Variants in OTOGL observed in about 807,000 individuals in gnomAD.
OTOGL encodes the protein otogelin-like protein.
OTOGL carries 285 observed loss-of-function variants against 318.5 expected under a neutral mutation model. That is an observed-to-expected ratio of 0.89 (90% CI 0.81 to 0.99). The LOEUF is 0.99. Among genes scored for constraint, OTOGL ranks in the 50% least tolerant of loss-of-function variants. The pLI, the probability that OTOGL is intolerant of heterozygous loss-of-function variation, is 0.00. For missense variants in OTOGL, 2,899 were observed against 2,845.6 expected, an observed-to-expected ratio of 1.02 and a Z score of -0.43; for synonymous variants, 987 against 936.5, an observed-to-expected ratio of 1.05 and a Z score of -0.99.
At chr12:80,180,127 G>A (rs1874819145) in intron 1 of OTOGL, among the ~76,000 whole-genome samples, 1 of 151,524 alleles carries the variant, frequency 6.6e-6, no homozygotes, top group Non-Finnish European at 1.5e-5. Context: ...ATATTCCAAG[G>A]CATAATGGCC....
At chr12:80,149,267 C>G (rs1266203419) in intron 1 of OTOGL, among the ~76,000 whole-genome samples, 1 of 151,940 alleles carries the variant, frequency 6.6e-6, no homozygotes, top group Non-Finnish European at 1.5e-5. Context: ...AGTTTTCCTT[C>G]TAACAGACAG....
chr12:80,367,640 CTT>C lies in OTOGL; in HGVS notation c.6414_6415del (p.Phe2138LeufsTer12). 1 of 1,535,968 alleles carries C rather than the reference CTT, an allele frequency of 6.5e-7. No homozygotes were observed. Among genetic ancestry groups the C allele is most frequent in the Non-Finnish European group, 8.8e-7 (1 of 1,131,000 alleles). ...QSMIKYLEEDFCYAIECLEEK... is the reference protein window; with the variant it reads ...QSMIKYLEEDXCYAIECLEEK... ...CCATGATAAAGTATTTGGAAGAAGA[CTT>C]TTGTTATGCTATAGAGTGTCTGGAA... On this transcript the variant is annotated frameshift_variant, in exon 54 of 59. Coordinates refer to ENST00000547103, the MANE Select transcript of OTOGL (RefSeq NM_001378609.3). LOFTEE classifies it high-confidence loss of function.
At chr12:80,337,866 T>TTTTTTGAA (rs1387355905) in intron 42 of OTOGL, among the ~76,000 whole-genome samples, 1 of 152,072 alleles carries the variant, frequency 6.6e-6, no homozygotes, top group Non-Finnish European at 1.5e-5. Flanking sequence ...AAGAGGTACT[T>TTTTTTGAA]TTTTTGAATG....
In OTOGL at chr12:80,279,041, G is replaced by A. The variant is rs1383349642; in HGVS notation, c.2803G>A (p.Gly935Arg). The A allele has an allele frequency of 1.3e-6, 2 of 1,593,208 alleles. No homozygotes were observed. The highest frequency in any genetic ancestry group is 2.2e-5 in the East Asian group (1 of 44,710). The change falls in exon 26 of 59, where the codon GGA becomes AGA. Residue 935 changes from glycine to arginine, a missense_variant. Physicochemically the swap from Gly to Arg is moderately radical, Grantham distance 125 (BLOSUM62 -2). Transcript: ENST00000547103. ...TPCYTCVCRR[G>R]MFNCTYYPCP... is the part of the protein sequence containing the mutation. Reference sequence around the variant, plus strand: ...ATTTTTTAATAGCGTTTGTCGACGAGGAATGTTCAATTGCACATATTATCC... The same window carrying A: ...ATTTTTTAATAGCGTTTGTCGACGAAGAATGTTCAATTGCACATATTATCC...
chr12:80,293,372 A>G (rs1208242508), intron 26 of OTOGL, among the ~76,000 whole-genome samples: 1 of 152,248 alleles, frequency 6.6e-6, no homozygotes, highest in East Asian at 1.9e-4. Context: ...ATCACAAGAT[A>G]AGATCTTCAT....
In OTOGL at chr12:80,358,880, A is replaced by G. The variant is rs2034528; in HGVS notation, c.6247A>G (p.Ile2083Val). 1,397,882 of 1,505,062 alleles carry G rather than the reference A, an allele frequency of 0.93. 649,613 individuals are homozygous for G. Among genetic ancestry groups the G allele is most frequent in the East Asian group, 1 (40,696 of 40,706 alleles). The allele number at this position is 1,505,062 out of a possible 1,614,324, so 93.2% of individuals were successfully genotyped here. ...TTTAGAATGTAACTGTGAAAACCTTATTATGCCAACTTGTGAAGTGGTAAG... is the reference window on the plus strand; with the variant it reads ...TTTAGAATGTAACTGTGAAAACCTTGTTATGCCAACTTGTGAAGTGGTAAG... The part of the protein sequence containing the change: ...WHCECNCENL[I>V]MPTCEVGEFT... Residue 2083 changes from isoleucine (I) to valine (V), a missense_variant, in exon 52 of 59, where the codon ATT becomes GTT. Ile to Val is a conservative substitution (Grantham distance 29). Around this residue, in one of 3 missense-constraint regions of OTOGL, gnomAD observed 2,607 missense variants for 2,524.9 expected, o/e 1.03. Coordinates refer to ENST00000547103, the MANE Select transcript of OTOGL (RefSeq NM_001378609.3).
intron 1 of OTOGL, chr12:80,132,808 C>G (rs373018911): frequency 6.6e-6 from 1 of 152,094 alleles, no homozygotes. Context: ...TCTAAATGAA[C>G]GAAGATTCTC....
In OTOGL at chr12:80,379,590, A is replaced by AT. The variant is rs1891357500; in HGVS notation, c.*1542_*1543insT. ...ATTCCTATTAACATATAGATATATA[A>AT]AATTAAATGTTTTTGGTTAAAATAT... On this transcript the variant is annotated 3_prime_UTR_variant, in exon 59 of 59. Coordinates refer to ENST00000547103, the MANE Select transcript of OTOGL (RefSeq NM_001378609.3). The AT allele has an allele frequency of 2.9e-5, 4 of 137,916 alleles. No homozygotes were observed. The highest frequency in any genetic ancestry group is 3.2e-5 in the Non-Finnish European group (2 of 62,336). 8.5% of individuals were successfully genotyped at this position (137,916 alleles called of 1,614,324 possible).
In OTOGL at chr12:80,129,587, T is replaced by G. The variant is rs533707802; in HGVS notation, c.-20+29982T>G. On this transcript the variant is annotated intron_variant, in intron 1 of 58. Transcript: ENST00000547103. ...ATGAGGGTGGTACAACCCTTCCTCT[T>G]GATACCTTGAATCACTATCTCATTT... Among the ~76,000 whole-genome samples the G allele has an allele frequency of 1.2e-4, 19 of 152,330 alleles. No homozygotes were observed. The East Asian group carries it at 3.7e-3, about 29-fold the overall frequency.
chr12:80,331,333 A>ATTTTTTTTTTTTTTTTTTTTTTTTT (rs386377119), intron 37 of OTOGL, among the ~76,000 whole-genome samples: 1 of 81,816 alleles, frequency 1.2e-5, no homozygotes, highest in Non-Finnish European at 2.2e-5. Context: ...AGTCATTAGA[A>ATTTTTTTTTTTTTTTTTTTTTTTTT]TTTTTTTTTT....
At chr12:80,214,193 G>A (rs998889196) in intron 4 of OTOGL, among the ~76,000 whole-genome samples, 3 of 152,292 alleles carry the variant, frequency 2.0e-5, no homozygotes, top group East Asian at 1.9e-4. Flanking sequence ...CTGAAAGCAG[G>A]CCCTAAGACA....
intron 43 of OTOGL, 124 bp downstream of exon 43, chr12:80,339,388 C>T: frequency 2.7e-6 from 2 of 747,162 alleles, no homozygotes; most frequent in Non-Finnish European, 4.1e-6. Context: ...GTGATATTAA[C>T]TTTCAGTTCC....
chr12:80,368,229 A>G lies in OTOGL; in HGVS notation c.6535A>G (p.Ser2179Gly). The G allele has an allele frequency of 3.1e-6, 5 of 1,602,310 alleles. No homozygotes were observed. The highest frequency in any genetic ancestry group is 4.3e-6 in the Non-Finnish European group (5 of 1,173,058). The change falls in exon 55 of 59, where the codon AGT (serine) becomes GGT (glycine). Residue 2179 changes from serine (S) to glycine (G), a missense_variant. By Grantham distance (56) the Ser-to-Gly change is moderately conservative (BLOSUM62 0). Coordinates refer to ENST00000547103, the MANE Select transcript of OTOGL (RefSeq NM_001378609.3). ...GCACCAGGTATATACTCCATCCCCA[A>G]GTGATTATGGTTGTTGTGGTACCTG... Reference protein sequence around the residue: ...DVHQVYTPSPSDYGCCGTCKN... With the variant: ...DVHQVYTPSPGDYGCCGTCKN...
chr12:80,135,643 T>C (rs1871518996), intron 1 of OTOGL, among the ~76,000 whole-genome samples: 1 of 152,206 alleles, frequency 6.6e-6, no homozygotes, highest in African/African-American at 2.4e-5. Context: ...GTGATTTTAA[T>C]ATTTTCTATT....
intron 1 of OTOGL, among the ~76,000 whole-genome samples, chr12:80,116,186 C>T (rs982710931): frequency 2.0e-5 from 3 of 152,134 alleles, no homozygotes; most frequent in African/African-American, 7.2e-5. Flanking sequence ...GGTGTAGGCA[C>T]CTGAGGGAAT....
chr12:80,232,868 A>T, intron 8 of OTOGL, 24 bp from the exon 9 acceptor site: 1 of 1,546,990 alleles, frequency 6.5e-7, no homozygotes. Context: ...TCATTCTTAG[A>T]TAGCTTTTGT....
At position 80,283,724 on chromosome 12, in the gene OTOGL, G is replaced by T. The variant is rs1413910446; in HGVS notation, c.2928+4558G>T. 1.3e-4 allele frequency among the ~76,000 whole-genome samples: 20 copies of T among 151,992 alleles called. 1 individual carries two copies. Among genetic ancestry groups the T allele is most frequent in the Non-Finnish European group, 1.8e-4 (12 of 67,946 alleles). The stretch of plus-strand genomic sequence containing the variant: ...TAGCAATCTAACACTTGTGATAAAT[G>T]CATACACGAGCTTTCAATGTGAAGT... On this transcript the variant is annotated intron_variant, in intron 26 of 58. Transcript: ENST00000547103.
intron 1 of OTOGL, among the ~76,000 whole-genome samples, chr12:80,157,464 C>T (rs887424507): frequency 6.6e-6 from 1 of 152,082 alleles, no homozygotes; most frequent in African/African-American, 2.4e-5. Flanking sequence ...GCTTTGGTCG[C>T]CTGTACTTAT....
In OTOGL at chr12:80,324,227, C is replaced by T. The variant is rs115642317; in HGVS notation, c.4199+387C>T. ...AGCATAAGGCATGTGTGTGTGTTTG[C>T]CAATTAATGTTGGTGGTCAGTGAAG... is the stretch of plus-strand genomic sequence containing the variant. On this transcript the variant is annotated intron_variant, in intron 35 of 58. Coordinates refer to ENST00000547103, the MANE Select transcript of OTOGL (RefSeq NM_001378609.3). Among the ~76,000 whole-genome samples the T allele has an allele frequency of 4.7e-3, 720 of 152,202 alleles. 6 individuals are homozygous for T. Among genetic ancestry groups the T allele is most frequent in the African/African-American group, 0.017 (690 of 41,514 alleles).
Sources: gnomAD v4.1 joint callset for allele counts (sites outside exome capture counted in the v4.1 genomes callset) on GRCh38, gnomAD v4.1.1 for gene constraint, gnomAD v4.1.1 regional missense constraint, MANE v1.5 for transcripts, NCBI Gene and HGNC (gene_info 2026-07-23, HGNC 2026-07-21) for gene names.